PDE3B: variants seen among roughly 807,000 people sequenced by gnomAD.
The protein encoded by PDE3B is phosphodiesterase 3B, also known as cGMP-inhibited 3',5'-cyclic phosphodiesterase 3B.
Under a neutral mutation model 116.8 loss-of-function variants are expected in PDE3B, and 66 were observed. The observed-to-expected ratio is 0.56, with a 90% confidence interval of 0.46 to 0.69. The LOEUF (loss-of-function observed/expected upper bound fraction) is 0.69, where lower values mean the gene tolerates loss of function less well. PDE3B is among the 30% of genes least tolerant of loss of function. PDE3B has a pLI of 0.00. For missense variants in PDE3B, 1,384 were observed against 1,368.1 expected (o/e 1.01, Z -0.18); for synonymous variants, 595 against 533.6 (o/e 1.12, Z -1.59).
At chr11:14,752,177 T>A (rs1216018256) in intron 1 of PDE3B, among the ~76,000 whole-genome samples, 2 of 152,212 alleles carry the variant, frequency 1.3e-5, no homozygotes, top group African/African-American at 2.4e-5. Flanking sequence ...AATAACCTCA[T>A]GTGCTAGTTC....
chr11:14,705,489 G>A (rs1266510319), intron 1 of PDE3B, among the ~76,000 whole-genome samples: 1 of 151,808 alleles, frequency 6.6e-6, no homozygotes, highest in African/African-American at 2.4e-5. Context: ...GTAGTGGTAG[G>A]AGAGTTTGAC....
rs1334840333 is a variant in PDE3B, at chr11:14,738,236, C to A, written c.979-33701C>A. 2.6e-5 allele frequency among the ~76,000 whole-genome samples: 4 copies of A among 152,320 alleles called. No homozygotes were observed. The East Asian group carries it at 5.8e-4, about 22-fold the overall frequency. ...TTGAACTAATTTATACTCCCACCAA[C>A]AGTGTAAAAGTGTTCCTATTTCTAC... On this transcript the variant is annotated intron_variant, in intron 1 of 15. Transcript: ENST00000282096.
intron 5 of PDE3B, among the ~76,000 whole-genome samples, chr11:14,812,229 C>T (rs1859162426): frequency 6.6e-6 from 1 of 151,990 alleles, no homozygotes; most frequent in Admixed American, 6.6e-5. Context: ...GTGAATTGTA[C>T]AATTTAAAAT....
At chr11:14,779,425 C>T (rs1249839573) in intron 2 of PDE3B, among the ~76,000 whole-genome samples, 3 of 152,192 alleles carry the variant, frequency 2.0e-5, no homozygotes, top group Admixed American at 6.5e-5. Context: ...AGAGAAAGGT[C>T]GGGTTACCCA....
chr11:14,734,338 T>G (rs1461540185), intron 1 of PDE3B, among the ~76,000 whole-genome samples: 1 of 152,246 alleles, frequency 6.6e-6, no homozygotes, highest in Non-Finnish European at 1.5e-5. Context: ...CCCAAAGTGC[T>G]GGGTTTACAG....
the PDE3B span, among the ~76,000 whole-genome samples, chr11:14,895,101 T>A: frequency 1.3e-5 from 2 of 152,234 alleles, no homozygotes; most frequent in African/African-American, 4.8e-5. Flanking sequence ...TGAGGGGCAG[T>A]ATCAAGTGAG....
chr11:14,808,884 T>G (rs534966952), intron 5 of PDE3B, among the ~76,000 whole-genome samples: 1 of 152,278 alleles, frequency 6.6e-6, no homozygotes, highest in Admixed American at 6.5e-5. Flanking sequence ...TTGGAAGACA[T>G]TCCACGTTTA....
Position 14,835,103 on chromosome 11 carries a change from CT to C in PDE3B, c.2320+10del, listed in dbSNP as rs1212273559. The C allele has an allele frequency of 6.7e-7, 1 of 1,497,854 alleles. No homozygotes were observed. Among genetic ancestry groups the C allele is most frequent in the Non-Finnish European group, 9.3e-7 (1 of 1,081,048 alleles). 92.8% of individuals were successfully genotyped at this position (1,497,854 alleles called of 1,614,324 possible). Reference sequence around the variant, plus strand: ...GAACAGGAAATGAAACAGGTACTTCCTTCTACAAATCTCTTAATTATTTTGA... The same window carrying C: ...GAACAGGAAATGAAACAGGTACTTCCTCTACAAATCTCTTAATTATTTTGA... On this transcript the variant is annotated intron_variant, in intron 11 of 15. Coordinates refer to ENST00000282096, the MANE Select transcript of PDE3B (RefSeq NM_000922.4).
At chr11:14,830,219 C>A (rs1022403227) in intron 7 of PDE3B, among the ~76,000 whole-genome samples, 7 of 152,088 alleles carry the variant, frequency 4.6e-5, no homozygotes, top group Non-Finnish European at 8.8e-5. Context: ...GAATACTGCT[C>A]TTCTTTTCCA....
chr11:14,892,534 G>T, the PDE3B span, among the ~76,000 whole-genome samples: 30 of 152,182 alleles, frequency 2.0e-4, no homozygotes, highest in African/African-American at 5.1e-4. Context: ...TGGGCTAGGC[G>T]GATCCTGCCT....
intron 1 of PDE3B, among the ~76,000 whole-genome samples, chr11:14,741,912 T>C (rs1856785102): frequency 6.6e-6 from 1 of 152,198 alleles, no homozygotes; most frequent in Non-Finnish European, 1.5e-5. Flanking sequence ...ATGTTGAATA[T>C]TGGCCCCTAC....
At chr11:14,849,646 A>G (rs1357021530) in intron 12 of PDE3B, among the ~76,000 whole-genome samples, 1 of 152,214 alleles carries the variant, frequency 6.6e-6, no homozygotes, top group East Asian at 1.9e-4. Context: ...TACAAGAAAA[A>G]AACACACAAC....
intron 1 of PDE3B, among the ~76,000 whole-genome samples, chr11:14,650,698 C>T (rs534668018): frequency 3.3e-5 from 5 of 152,020 alleles, no homozygotes; most frequent in East Asian, 1.9e-4. Flanking sequence ...AGGCTGAGGC[C>T]GGAGAATGGC....
rs188211308 is a variant in PDE3B, at chr11:14,742,493, T to A, written c.979-29444T>A. On this transcript the variant is annotated intron_variant, in intron 1 of 15. Coordinates refer to ENST00000282096, the MANE Select transcript of PDE3B (RefSeq NM_000922.4). ...CTAGTTAGCAATTCATCTAACCTTT[T>A]TTCTAGGTTCTTAGCTTCCTTGCTT... Among the ~76,000 whole-genome samples the A allele has an allele frequency of 3.9e-3, 589 of 152,332 alleles. 3 individuals are homozygous for A. The highest frequency in any genetic ancestry group is 7.3e-3 in the Non-Finnish European group (498 of 68,022).
chr11:14,783,213 G>T (rs572928763), intron 2 of PDE3B, among the ~76,000 whole-genome samples: 1 of 152,232 alleles, frequency 6.6e-6, no homozygotes, highest in Non-Finnish European at 1.5e-5. Context: ...ATTGCTGAAG[G>T]ATCTGGAACT....
intron 12 of PDE3B, among the ~76,000 whole-genome samples, chr11:14,851,742 C>G (rs1258098080): frequency 1.3e-5 from 2 of 152,108 alleles, no homozygotes; most frequent in African/African-American, 4.8e-5. Flanking sequence ...GATGCCCATT[C>G]TCTCAAACCT....
chr11:14,868,814 T>C (rs1402416722), intron 15 of PDE3B, among the ~76,000 whole-genome samples: 1 of 152,120 alleles, frequency 6.6e-6, no homozygotes, highest in Non-Finnish European at 1.5e-5. Context: ...CATTAGCATC[T>C]GAAGGTTGAC....
At chr11:14,796,743 C>T (rs1374340707) in intron 4 of PDE3B, among the ~76,000 whole-genome samples, 1 of 152,092 alleles carries the variant, frequency 6.6e-6, no homozygotes, top group Non-Finnish European at 1.5e-5. Context: ...TGTTTAAGTT[C>T]TTTGTAGATT....
chr11:14,739,782 C>T (rs998703854), intron 1 of PDE3B, among the ~76,000 whole-genome samples: 1 of 152,054 alleles, frequency 6.6e-6, no homozygotes, highest in Admixed American at 6.6e-5. Context: ...GTTCCATCGA[C>T]ACCTAGCTCA....
Sources: gnomAD v4.1 joint callset for allele counts (sites outside exome capture counted in the v4.1 genomes callset) on GRCh38, gnomAD v4.1.1 for gene constraint, MANE v1.5 for transcripts, NCBI Gene and HGNC (gene_info 2026-07-23, HGNC 2026-07-21) for gene names.